Variants in FHIT observed in about 807,000 individuals in gnomAD.
FHIT encodes fragile histidine triad diadenosine triphosphatase.
A neutral mutation model predicts 17.9 loss-of-function variants in FHIT; 19 were observed. That is an observed-to-expected ratio of 1.06 (90% CI 0.74 to 1.56). The LOEUF (loss-of-function observed/expected upper bound fraction) is 1.56, where lower values mean the gene tolerates loss of function less well. FHIT is among the 40% of genes most tolerant of loss of function. The pLI, the probability that FHIT is intolerant of heterozygous loss-of-function variation, is 0.00. For missense variants in FHIT, 248 were observed against 189.2 expected (o/e 1.31, Z -1.82); for synonymous variants, 81 against 69.7 (o/e 1.16, Z -0.81).
In FHIT at chr3:60,185,233, T is replaced by A. The variant is rs940817036; in HGVS notation, c.104-171081A>T. Reference sequence around the variant, plus strand: ...GTATCCACCATTTACAGCGTCAAATTGAATAGTTTCATGGTGTGGGGAAAA... The same window carrying A: ...GTATCCACCATTTACAGCGTCAAATAGAATAGTTTCATGGTGTGGGGAAAA... On this transcript the variant is annotated intron_variant, in intron 5 of 9. Transcript: ENST00000492590. 2.2e-4 allele frequency among the ~76,000 whole-genome samples: 34 copies of A among 152,126 alleles called. 1 individual carries two copies. Among genetic ancestry groups the A allele is most frequent in the Non-Finnish European group, 4.6e-4 (31 of 68,012 alleles).
chr3:60,464,321 A>T (rs1231957511), intron 5 of FHIT, among the ~76,000 whole-genome samples: 1 of 152,176 alleles, frequency 6.6e-6, no homozygotes, highest in African/African-American at 2.4e-5. Context: ...ACGTAGGGTA[A>T]ATGGGATATA....
At chr3:60,437,466 T>C (rs527803997) in intron 5 of FHIT, among the ~76,000 whole-genome samples, 7 of 152,262 alleles carry the variant, frequency 4.6e-5, no homozygotes, top group Admixed American at 3.9e-4. Context: ...CAAAACTTGC[T>C]GAATCCTGCT....
At chr3:60,173,291 G>T (rs1234756828) in intron 5 of FHIT, among the ~76,000 whole-genome samples, 1 of 152,104 alleles carries the variant, frequency 6.6e-6, no homozygotes, top group Non-Finnish European at 1.5e-5. Context: ...TGGGAAGAAG[G>T]CAACCTCACT....
At chr3:60,778,799 G>A (rs1189168513) in intron 4 of FHIT, among the ~76,000 whole-genome samples, 6 of 152,146 alleles carry the variant, frequency 3.9e-5, no homozygotes, top group African/African-American at 1.4e-4. Context: ...GACTGGAATG[G>A]TATGCTTCCC....
At chr3:60,115,570 T>C (rs534953385) in intron 5 of FHIT, among the ~76,000 whole-genome samples, 44 of 152,286 alleles carry the variant, frequency 2.9e-4, no homozygotes, top group African/African-American at 9.1e-4. Flanking sequence ...TATTTATTCA[T>C]AGCGTTCTGG....
chr3:60,693,794 T>C (rs1012849153), intron 4 of FHIT, among the ~76,000 whole-genome samples: 23 of 152,192 alleles, frequency 1.5e-4, no homozygotes, highest in African/African-American at 5.3e-4. Context: ...GTACTAGATA[T>C]TACAACATCA....
At chr3:59,778,496 T>C (rs1382010465) in intron 8 of FHIT, among the ~76,000 whole-genome samples, 2 of 152,238 alleles carry the variant, frequency 1.3e-5, no homozygotes, top group Admixed American at 1.3e-4. Context: ...AATGTTTTAC[T>C]GTAAAGGGCC....
chr3:61,048,905 C>T (rs1161913749), intron 2 of FHIT, among the ~76,000 whole-genome samples: 1 of 151,908 alleles, frequency 6.6e-6, no homozygotes, highest in African/African-American at 2.4e-5. Flanking sequence ...TGTTCTCACT[C>T]ATAGGTAGGA....
chr3:61,064,784 T>G (rs2106713135), intron 2 of FHIT, among the ~76,000 whole-genome samples: 1 of 152,304 alleles, frequency 6.6e-6, no homozygotes, highest in South Asian at 2.1e-4. Context: ...GCTCTCACAG[T>G]TGCCAGGCAA....
At chr3:60,025,894 AAAC>A (rs550015020) in intron 5 of FHIT, among the ~76,000 whole-genome samples, 2 of 152,340 alleles carry the variant, frequency 1.3e-5, no homozygotes, top group East Asian at 3.9e-4. Flanking sequence ...AATTCATTAA[AAAC>A]AACAACTGCT....
At chr3:60,542,622 A>C (rs1006069816) in intron 4 of FHIT, among the ~76,000 whole-genome samples, 1 of 151,942 alleles carries the variant, frequency 6.6e-6, no homozygotes, top group Non-Finnish European at 1.5e-5. Flanking sequence ...TCCTCCCTTC[A>C]ATTTTCTAAT....
At chr3:60,755,340 C>T (rs1209145787) in intron 4 of FHIT, among the ~76,000 whole-genome samples, 4 of 152,218 alleles carry the variant, frequency 2.6e-5, no homozygotes, top group South Asian at 4.1e-4. Context: ...TCAGTCCCAT[C>T]CCATTGCTGT....
intron 4 of FHIT, among the ~76,000 whole-genome samples, chr3:60,569,755 A>ATAT: frequency 1.3e-4 from 10 of 77,328 alleles, no homozygotes; most frequent in Admixed American, 2.0e-4. Flanking sequence ...ATATATATAT[A>ATAT]TTTTTTTTTT....
At chr3:60,292,310 A>G (rs1250209070) in intron 5 of FHIT, among the ~76,000 whole-genome samples, 1 of 152,182 alleles carries the variant, frequency 6.6e-6, no homozygotes, top group Non-Finnish European at 1.5e-5. Flanking sequence ...ATATAAACCA[A>G]GACCTATATT....
At chr3:60,403,199 T>A (rs936165469) in intron 5 of FHIT, among the ~76,000 whole-genome samples, 4 of 152,190 alleles carry the variant, frequency 2.6e-5, no homozygotes, top group Non-Finnish European at 5.9e-5. Flanking sequence ...AAAGCAGAAT[T>A]TTAACAACAG....
In FHIT at chr3:60,890,674, A is replaced by G. The variant is rs1705471911; in HGVS notation, c.-110-68663T>C. Among the ~76,000 whole-genome samples the G allele has an allele frequency of 2.6e-5, 4 of 152,248 alleles. No homozygotes were observed. In the South Asian group the frequency reaches 8.3e-4, roughly 31 times the overall value. ...TGGAATGCCTAGGAGCAGCTTTTCC[A>G]AATGAATTCATCAATAAACATAAAA... On this transcript the variant is annotated intron_variant, in intron 3 of 9. Transcript: ENST00000492590.
chr3:61,063,030 T>C (rs1014245540), intron 2 of FHIT, among the ~76,000 whole-genome samples: 3 of 151,848 alleles, frequency 2.0e-5, no homozygotes, highest in Admixed American at 1.3e-4. Context: ...GAGTCCGAGG[T>C]GGGTGGATCA....
At chr3:61,209,174 G>A (rs867701079) in intron 1 of FHIT, among the ~76,000 whole-genome samples, 2 of 152,248 alleles carry the variant, frequency 1.3e-5, no homozygotes, top group South Asian at 2.1e-4. Flanking sequence ...TAGAGTTTCT[G>A]CCGAGAGATC....
At chr3:59,946,792 C>G (rs942166798) in intron 7 of FHIT, among the ~76,000 whole-genome samples, 2 of 151,994 alleles carry the variant, frequency 1.3e-5, no homozygotes, top group African/African-American at 4.8e-5. Flanking sequence ...GTTTTTAGTT[C>G]TGTTTTTGTG....
Sources: gnomAD v4.1 joint callset for allele counts (sites outside exome capture counted in the v4.1 genomes callset) on GRCh38, gnomAD v4.1.1 for gene constraint, MANE v1.5 for transcripts, NCBI Gene and HGNC (gene_info 2026-07-23, HGNC 2026-07-21) for gene names.